Variants in TNFRSF13C observed in about 807,000 individuals in gnomAD.
TNFRSF13C encodes the protein TNF receptor superfamily member 13C, also known as tumor necrosis factor receptor superfamily member 13C.
In TNFRSF13C, 7 loss-of-function variants were observed where a neutral mutation model predicts 12.1. The ratio of observed to expected loss-of-function variants is 0.58; its 90% confidence interval spans 0.33 to 1.08. The LOEUF (loss-of-function observed/expected upper bound fraction) is 1.08, where lower values mean the gene tolerates loss of function less well. TNFRSF13C is among the 50% of genes least tolerant of loss of function. TNFRSF13C has a pLI of 0.04. For synonymous variants in TNFRSF13C, 157 were observed against 130.8 expected (o/e 1.20, Z -1.37); for missense variants, 260 against 265.9 (o/e 0.98, Z 0.15).
rs1324253723 is a variant in TNFRSF13C at position 41,926,345 on chromosome 22, G to C, written c.137-14C>G. 3 of 1,383,490 alleles carry C rather than the reference G, an allele frequency of 2.2e-6. No homozygotes were observed. Among genetic ancestry groups the C allele is most frequent in the Admixed American group, 3.7e-5 (1 of 27,264 alleles). The allele number at this position is 1,383,490 out of a possible 1,614,324, so 85.7% of individuals were successfully genotyped here. On this transcript the variant is annotated splice_polypyrimidine_tract_variant and intron_variant, in intron 1 of 2. Coordinates refer to ENST00000291232, the MANE Select transcript of TNFRSF13C (RefSeq NM_052945.4). This position sits in a 1 kb window ranked among gnomAD's most constrained non-coding sequence, Gnocchi z 4.9. Reference sequence around the variant, plus strand: ...TGCTGGCCCCGGCTGCTTCGGGAGGGGACAGGGAGGGAGGCCAGGGGGCCG... The same window carrying C: ...TGCTGGCCCCGGCTGCTTCGGGAGGCGACAGGGAGGGAGGCCAGGGGGCCG...
Position 41,926,116 on chromosome 22 carries a change from CG to C in TNFRSF13C, c.351del (p.Asp118ThrfsTer57). ...CGGAACTCACCGTCCTTGTCTCCGT[CG>C]GGGGCCTCTGCGGAGGACGCGCCGC... ...RLRGASSAEAPDGDKDAPEPL... is the reference protein window; with the variant it reads ...RLRGASSAEAXDGDKDAPEPL... On this transcript the variant is annotated frameshift_variant, in exon 2 of 3. Coordinates refer to ENST00000291232, the MANE Select transcript of TNFRSF13C (RefSeq NM_052945.4). LOFTEE classifies it low-confidence loss of function (END_TRUNC). The surrounding 1 kb of genome is among the most constrained non-coding windows in gnomAD (Gnocchi z 4.9). The C allele has an allele frequency of 6.2e-7, 1 of 1,612,458 alleles. No individual in the cohort carries two copies. Among genetic ancestry groups the C allele is most frequent in the Non-Finnish European group, 8.5e-7 (1 of 1,179,808 alleles).
Position 41,926,233 on chromosome 22 carries a change from A to G in TNFRSF13C, c.235T>C (p.Phe79Leu). Reference sequence around the variant, plus strand: ...AGGCCCAGCAGCGCGGGGGCGCCAAAGAGCAGCCCGGGCAGGGGCAGCGCC... The same window carrying G: ...AGGCCCAGCAGCGCGGGGGCGCCAAGGAGCAGCCCGGGCAGGGGCAGCGCC... ...EAALPLPGLL[F>L]GAPALLGLAL... The change falls in exon 2 of 3, where the codon TTT becomes CTT. Residue 79 changes from phenylalanine to leucine, a missense_variant. Phe to Leu is a conservative substitution (Grantham distance 22). Transcript: ENST00000291232. The surrounding 1 kb of genome is among the most constrained non-coding windows in gnomAD (Gnocchi z 4.9). The G allele has an allele frequency of 6.3e-7, 1 of 1,578,500 alleles. No individual in the cohort carries two copies. Among genetic ancestry groups the G allele is most frequent in the South Asian group, 1.1e-5 (1 of 88,202 alleles).
rs1380295555 is a variant in TNFRSF13C, at chr22:41,922,481, A to T, written c.*2886T>A. The T allele has an allele frequency of 6.6e-6, 1 of 152,136 alleles. No individual in the cohort carries two copies. Among genetic ancestry groups the T allele is most frequent in the Non-Finnish European group, 1.5e-5 (1 of 68,034 alleles). The allele number at this position is 152,136 out of a possible 1,614,324, so 9.4% of individuals were successfully genotyped here. A position where few individuals can be genotyped will look rare whatever the true frequency, so the allele number is the denominator to read the frequency against. On this transcript the variant is annotated 3_prime_UTR_variant, in exon 3 of 3. Transcript: ENST00000291232. ...CATACAACCCCTCATTTTTCAGAAG[A>T]AAAAACTGAGAACTCAGGGGAAACT...
rs557663429 is a variant in TNFRSF13C at position 41,924,930 on chromosome 22, G to A, written c.*437C>T. On this transcript the variant is annotated 3_prime_UTR_variant, in exon 3 of 3. Transcript: ENST00000291232. The stretch of plus-strand genomic sequence containing the variant: ...TCGCGCCACTGTACTCCAGCCTGGC[G>A]ACAGAGCAAGACTCGTCTCAAAAAA... The A allele has an allele frequency of 2.8e-4, 33 of 116,134 alleles. No individual in the cohort carries two copies. Among genetic ancestry groups the A allele is most frequent in the African/African-American group, 1.1e-3 (29 of 26,746 alleles). The allele number at this position is 116,134 out of a possible 1,614,324, so 7.2% of individuals were successfully genotyped here.
Position 41,925,432 on chromosome 22 carries a change from G to C in TNFRSF13C, c.490C>G (p.Pro164Ala). Residue 164 changes from proline to alanine, a missense_variant, in exon 3 of 3, where the codon CCA becomes GCA. Coordinates refer to ENST00000291232, the MANE Select transcript of TNFRSF13C (RefSeq NM_052945.4). ...TTPPGHSVPV[P>A]ATELGSTELV... Reference sequence around the variant, plus strand: ...TCAGTGGAGCCCAGCTCTGTGGCTGGCACAGGGACACTGTGGCCAGGTGGG... The same window carrying C: ...TCAGTGGAGCCCAGCTCTGTGGCTGCCACAGGGACACTGTGGCCAGGTGGG... 6.2e-7 allele frequency: 1 copy of C among 1,611,726 alleles called. No homozygotes were observed. Among genetic ancestry groups the C allele is most frequent in the Non-Finnish European group, 8.5e-7 (1 of 1,180,010 alleles).
At position 41,926,294 on chromosome 22, in the gene TNFRSF13C, C is replaced by A; in HGVS notation, c.174G>T (p.Gln58His). ...CCCCCGCGCCCACCGACTCCTGCGG[C>A]TGCAGCGCCGTCCTGGGCGCAGGGC... ...ASSPAPRTAL[Q>H]PQESVGAGAG... Residue 58 changes from glutamine (Q) to histidine (H), a missense_variant, in exon 2 of 3, where the codon CAG becomes CAT. Gln to His is a conservative substitution (Grantham distance 24, BLOSUM62 0). Transcript: ENST00000291232. This position sits in a 1 kb window ranked among gnomAD's most constrained non-coding sequence, Gnocchi z 4.9. 1 of 1,480,608 alleles carries A rather than the reference C, an allele frequency of 6.8e-7. No individual in the cohort carries two copies. The highest frequency in any genetic ancestry group is 8.9e-7 in the Non-Finnish European group (1 of 1,123,886). 91.7% of individuals were successfully genotyped at this position (1,480,608 alleles called of 1,614,324 possible). A position where few individuals can be genotyped will look rare whatever the true frequency, so the allele number is the denominator to read the frequency against.
In TNFRSF13C at chr22:41,925,353, CT is replaced by C. The variant is rs1195732609; in HGVS notation, c.*13del. The C allele has an allele frequency of 6.3e-7, 1 of 1,593,886 alleles. No individual in the cohort carries two copies. Among genetic ancestry groups the C allele is most frequent in the East Asian group, 2.2e-5 (1 of 44,608 alleles). Reference sequence around the variant, plus strand: ...CCAGAGGGAGGGCAGGGGCCACCTCCTGCCGGCTCCCTGCTATTGTTGCTCA... The same window carrying C: ...CCAGAGGGAGGGCAGGGGCCACCTCCGCCGGCTCCCTGCTATTGTTGCTCA... On this transcript the variant is annotated 3_prime_UTR_variant, in exon 3 of 3. Coordinates refer to ENST00000291232, the MANE Select transcript of TNFRSF13C (RefSeq NM_052945.4).
rs944119049 is a variant in TNFRSF13C at position 41,926,511 on chromosome 22, G to A, written c.136+127C>T. ...ACGCGGTGATCGCGGGCCCCTCCAG[G>A]CCCTGCCCACAGGGTCCTTTCAGCC... On this transcript the variant is annotated intron_variant, in intron 1 of 2. Transcript: ENST00000291232. The surrounding 1 kb of genome is among the most constrained non-coding windows in gnomAD (Gnocchi z 4.9). 8.3e-5 allele frequency: 102 copies of A among 1,231,174 alleles called. No homozygotes were observed. Among genetic ancestry groups the A allele is most frequent in the Non-Finnish European group, 9.8e-5 (94 of 957,944 alleles). The allele number at this position is 1,231,174 out of a possible 1,614,324, so 76.3% of individuals were successfully genotyped here.
In TNFRSF13C at chr22:41,926,119, G is replaced by A. The variant is rs1008198613; in HGVS notation, c.349C>T (p.Pro117Ser). The A allele has an allele frequency of 5.0e-6, 8 of 1,612,280 alleles. No homozygotes were observed. Among genetic ancestry groups the A allele is most frequent in the Non-Finnish European group, 6.8e-6 (8 of 1,179,810 alleles). Residue 117 changes from proline (P) to serine (S), a missense_variant, in exon 2 of 3, where the codon CCC (proline) becomes TCC (serine). Physicochemically the swap from Pro to Ser is moderately conservative, Grantham distance 74. Transcript: ENST00000291232. This position sits in a 1 kb window ranked among gnomAD's most constrained non-coding sequence, Gnocchi z 4.9. ...AACTCACCGTCCTTGTCTCCGTCGG[G>A]GGCCTCTGCGGAGGACGCGCCGCGA... ...RLRGASSAEA[P>S]DGDKDAPEPL... is the part of the protein sequence containing the mutation.
At position 41,926,045 on chromosome 22, in the gene TNFRSF13C, C is replaced by G; in HGVS notation, c.367+56G>C. The G allele has an allele frequency of 1.2e-6, 2 of 1,605,314 alleles. No homozygotes were observed. Among genetic ancestry groups the G allele is most frequent in the East Asian group, 4.5e-5 (2 of 44,782 alleles). ...CCATGCATCTCCCCCTAGACCGTCC[C>G]GACACCCCAGCCCCTGCGCCCCGCT... On this transcript the variant is annotated intron_variant, in intron 2 of 2. Transcript: ENST00000291232. This position sits in a 1 kb window ranked among gnomAD's most constrained non-coding sequence, Gnocchi z 4.9.
rs2077624021 is a variant in TNFRSF13C, at chr22:41,925,414, A to G, written c.508T>C (p.Ser170Pro). The change falls in exon 3 of 3, where the codon TCC becomes CCC. Residue 170 changes from serine (S) to proline (P), a missense_variant. Ser to Pro is a moderately conservative substitution (Grantham distance 74, BLOSUM62 -1). Transcript: ENST00000291232. ...SVPVPATELG[S>P]TELVTTKTAG... ...GTCTTGGTGGTCACCAGTTCAGTGG[A>G]GCCCAGCTCTGTGGCTGGCACAGGG... is the stretch of plus-strand genomic sequence containing the variant. 1 of 1,610,266 alleles carries G rather than the reference A, an allele frequency of 6.2e-7. No homozygotes were observed. The highest frequency in any genetic ancestry group is 8.5e-7 in the Non-Finnish European group (1 of 1,179,902).
Position 41,922,277 on chromosome 22 carries a change from A to T in TNFRSF13C, c.*3090T>A, listed in dbSNP as rs1436103790. ...CTATCTTCATTTTTTTCACAAAAAA[A>T]AATTTAAACAAACACAAACACCCCA... is the stretch of plus-strand genomic sequence containing the variant. On this transcript the variant is annotated 3_prime_UTR_variant, in exon 3 of 3. Coordinates refer to ENST00000291232, the MANE Select transcript of TNFRSF13C (RefSeq NM_052945.4). 6.6e-6 allele frequency: 1 copy of T among 152,210 alleles called. No homozygotes were observed. The highest frequency in any genetic ancestry group is 6.5e-5 in the Admixed American group (1 of 15,280). 9.4% of individuals were successfully genotyped at this position (152,210 alleles called of 1,614,324 possible).
Position 41,925,238 on chromosome 22 carries a change from C to T in TNFRSF13C, c.*129G>A, listed in dbSNP as rs1485210625. 9.6e-7 allele frequency: 1 copy of T among 1,039,166 alleles called. No individual in the cohort carries two copies. The highest frequency in any genetic ancestry group is 1.4e-6 in the Non-Finnish European group (1 of 731,572). 64.4% of individuals were successfully genotyped at this position (1,039,166 alleles called of 1,614,324 possible). A position where few individuals can be genotyped will look rare whatever the true frequency, so the allele number is the denominator to read the frequency against. ...AATGCTGTGGTCTGTAGTGTCTGTGCTTCTGCAGAGTTAGCCTGGTCCCAG... is the reference window on the plus strand; with the variant it reads ...AATGCTGTGGTCTGTAGTGTCTGTGTTTCTGCAGAGTTAGCCTGGTCCCAG... On this transcript the variant is annotated 3_prime_UTR_variant, in exon 3 of 3. Transcript: ENST00000291232.
chr22:41,925,116 A>T lies in TNFRSF13C; in HGVS notation c.*251T>A. 1 of 446,266 alleles carries T rather than the reference A, an allele frequency of 2.2e-6. No homozygotes were observed. Among genetic ancestry groups the T allele is most frequent in the East Asian group, 3.5e-5 (1 of 28,208 alleles). The allele number at this position is 446,266 out of a possible 1,614,324, so 27.6% of individuals were successfully genotyped here. On this transcript the variant is annotated 3_prime_UTR_variant, in exon 3 of 3. Coordinates refer to ENST00000291232, the MANE Select transcript of TNFRSF13C (RefSeq NM_052945.4). ...TACTCATAGTGCCCCAGCCTTTTGA[A>T]GGCACAGGAACAGGAGCTGGGCTAC...
rs2077624007 is a variant in TNFRSF13C, at chr22:41,925,413, G to A, written c.509C>T (p.Ser170Phe). The A allele has an allele frequency of 1.9e-6, 3 of 1,610,154 alleles. No individual in the cohort carries two copies. The East Asian group carries it at 6.7e-5, about 36-fold the overall frequency. ...CGTCTTGGTGGTCACCAGTTCAGTG[G>A]AGCCCAGCTCTGTGGCTGGCACAGG... Reference protein sequence around the residue: ...SVPVPATELGSTELVTTKTAG... With the variant: ...SVPVPATELGFTELVTTKTAG... Residue 170 changes from serine (S) to phenylalanine (F), a missense_variant, in exon 3 of 3, where the codon TCC becomes TTC. Ser to Phe is a radical substitution (Grantham distance 155). Coordinates refer to ENST00000291232, the MANE Select transcript of TNFRSF13C (RefSeq NM_052945.4).
rs2077631225 is a variant in TNFRSF13C at position 41,926,355 on chromosome 22, G to A, written c.137-24C>T. 1.5e-6 allele frequency: 2 copies of A among 1,366,804 alleles called. No individual in the cohort carries two copies. The highest frequency in any genetic ancestry group is 3.1e-5 in the African/African-American group (2 of 65,068). 84.7% of individuals were successfully genotyped at this position (1,366,804 alleles called of 1,614,324 possible). ...GGCTGCTTCGGGAGGGGACAGGGAG[G>A]GAGGCCAGGGGGCCGAGGGGAGGGA... On this transcript the variant is annotated intron_variant, in intron 1 of 2. Transcript: ENST00000291232. The surrounding 1 kb of genome is among the most constrained non-coding windows in gnomAD (Gnocchi z 4.9).
At position 41,925,400 on chromosome 22, in the gene TNFRSF13C, C is replaced by T. The variant is rs1283149810; in HGVS notation, c.522G>A (p.Val174=). The T allele has an allele frequency of 1.2e-6, 2 of 1,609,064 alleles. No homozygotes were observed. The highest frequency in any genetic ancestry group is 1.7e-6 in the Non-Finnish European group (2 of 1,179,844). ...GCTCAGGGCCGGCCGTCTTGGTGGTCACCAGTTCAGTGGAGCCCAGCTCTG... is the reference window on the plus strand; with the variant it reads ...GCTCAGGGCCGGCCGTCTTGGTGGTTACCAGTTCAGTGGAGCCCAGCTCTG... ...PATELGSTEL[V]TTKTAGPEQQ The change falls in exon 3 of 3, where the codon GTG becomes GTA. Residue 174 remains valine, a synonymous_variant. Coordinates refer to ENST00000291232, the MANE Select transcript of TNFRSF13C (RefSeq NM_052945.4).
chr22:41,925,153 G>A lies in TNFRSF13C; in HGVS notation c.*214C>T. The A allele has an allele frequency of 1.8e-6, 1 of 555,210 alleles. No individual in the cohort carries two copies. Among genetic ancestry groups the A allele is most frequent in the Non-Finnish European group, 3.2e-6 (1 of 314,864 alleles). 34.4% of individuals were successfully genotyped at this position (555,210 alleles called of 1,614,324 possible). Reference sequence around the variant, plus strand: ...AGGAGCTGGGCTACCACCTTCAAGGGCTGTCAAAGATGGTGAGGTCTGAAG... The same window carrying A: ...AGGAGCTGGGCTACCACCTTCAAGGACTGTCAAAGATGGTGAGGTCTGAAG... On this transcript the variant is annotated 3_prime_UTR_variant, in exon 3 of 3. Coordinates refer to ENST00000291232, the MANE Select transcript of TNFRSF13C (RefSeq NM_052945.4).
At position 41,926,302 on chromosome 22, in the gene TNFRSF13C, C is replaced by T; in HGVS notation, c.166G>A (p.Ala56Thr). ...CCCACCGACTCCTGCGGCTGCAGCG[C>T]CGTCCTGGGCGCAGGGCTGCTGGCC... ...AGASSPAPRT[A>T]LQPQESVGAG... The change falls in exon 2 of 3, where the codon GCG (alanine) becomes ACG (threonine). Residue 56 changes from alanine to threonine, a missense_variant. Transcript: ENST00000291232. This position sits in a 1 kb window ranked among gnomAD's most constrained non-coding sequence, Gnocchi z 4.9. 6.8e-7 allele frequency: 1 copy of T among 1,463,890 alleles called. No individual in the cohort carries two copies. The highest frequency in any genetic ancestry group is 9.0e-7 in the Non-Finnish European group (1 of 1,116,270). 90.7% of individuals were successfully genotyped at this position (1,463,890 alleles called of 1,614,324 possible).
Sources: gnomAD v4.1 joint callset for allele counts on GRCh38, gnomAD v4.1.1 for gene constraint, Gnocchi (gnomAD v3.1) non-coding constraint, MANE v1.5 for transcripts, NCBI Gene and HGNC (gene_info 2026-07-23, HGNC 2026-07-21) for gene names.